The following MIPOL1 variants were observed in gnomAD, a reference collection of about 807,000 sequenced individuals.
MIPOL1 encodes the protein mirror-image polydactyly gene 1 protein.
In MIPOL1, 57 loss-of-function variants were observed where a neutral mutation model predicts 60.9. That is an observed-to-expected ratio of 0.94 (90% CI 0.76 to 1.17). The LOEUF is 1.17. Among genes scored for constraint, MIPOL1 ranks in the 50% most tolerant of loss-of-function variants. The probability of loss-of-function intolerance (pLI) is 0.00; values close to 1 mark genes in which losing one functional copy is unlikely to be tolerated. For missense variants in MIPOL1, 551 were observed against 511.6 expected, an observed-to-expected ratio of 1.08 and a Z score of -0.74; for synonymous variants, 179 against 168.8, an observed-to-expected ratio of 1.06 and a Z score of -0.47.
At chr14:37,507,685 A>G (rs2095291065) in intron 12 of MIPOL1, 1 of 152,196 alleles carries the variant, frequency 6.6e-6, no homozygotes, top group Non-Finnish European at 1.5e-5. Flanking sequence ...GCAAACCAAT[A>G]TGGCACATGT....
intron 11 of MIPOL1, among the ~76,000 whole-genome samples, chr14:37,446,831 A>T (rs930624075): frequency 6.6e-6 from 1 of 151,634 alleles, no homozygotes; most frequent in Non-Finnish European, 1.5e-5. Context: ...AGGACAAAAA[A>T]CCAAACACCG....
chr14:37,513,021 G>A lies in MIPOL1; in HGVS notation c.1262+12883G>A, dbSNP rs542678815. 1.3e-3 allele frequency among the ~76,000 whole-genome samples: 196 copies of A among 152,120 alleles called. 1 individual carries two copies. Among genetic ancestry groups the A allele is most frequent in the African/African-American group, 4.4e-3 (181 of 41,516 alleles). On this transcript the variant is annotated intron_variant, in intron 12 of 12. Coordinates refer to ENST00000684589, the MANE Select transcript of MIPOL1 (RefSeq NM_001388067.1). ...TGCCCTCCCTAATTAGCTTTGGAAG[G>A]CACCTTCTAAATCTAATTAGAGATA...
intron 12 of MIPOL1, among the ~76,000 whole-genome samples, chr14:37,508,161 G>A (rs2095296517): frequency 1.3e-5 from 2 of 152,228 alleles, no homozygotes; most frequent in Admixed American, 6.5e-5. Context: ...ATTATTATTA[G>A]CAAATGTTTT....
At chr14:37,523,779 A>G (rs565767795) in intron 12 of MIPOL1, among the ~76,000 whole-genome samples, 7 of 152,312 alleles carry the variant, frequency 4.6e-5, no homozygotes, top group African/African-American at 1.4e-4. Context: ...AAATATTCAT[A>G]CACAGAAGTG....
In MIPOL1 at chr14:37,266,986, G is replaced by C. The variant is rs1235353745; in HGVS notation, c.68G>C (p.Ser23Thr). 1.2e-6 allele frequency: 2 copies of C among 1,613,618 alleles called. No homozygotes were observed. The highest frequency in any genetic ancestry group is 3.3e-5 in the Admixed American group (2 of 60,000). Reference protein sequence around the residue: ...LEQETTGINKSTQPDEQLTMN... With the variant: ...LEQETTGINKTTQPDEQLTMN... ...CAAGAAACTACGGGGATAAATAAAA[G>C]TACGCAGCCAGATGAGCAACTGACT... Residue 23 changes from serine to threonine, a missense_variant, in exon 4 of 13, where the codon AGT becomes ACT. Transcript: ENST00000684589.
intron 1 of MIPOL1, among the ~76,000 whole-genome samples, chr14:37,213,670 A>G (rs1424016653): frequency 6.6e-6 from 1 of 152,186 alleles, no homozygotes; most frequent in African/African-American, 2.4e-5. Flanking sequence ...AGGGATAATA[A>G]TGGAGAAATT....
In MIPOL1 at chr14:37,227,349, T is replaced by C. The variant is rs1360444052; in HGVS notation, c.-198-19754T>C. 2.6e-5 allele frequency among the ~76,000 whole-genome samples: 4 copies of C among 152,298 alleles called. No homozygotes were observed. In the East Asian group the frequency reaches 7.7e-4, roughly 29 times the overall value. On this transcript the variant is annotated intron_variant, in intron 1 of 12. Transcript: ENST00000684589. The stretch of plus-strand genomic sequence containing the variant: ...CTATTCATGTATTCAATAATTTGAA[T>C]TTTTTTAAGTGTAGTTAATTATTTA...
At chr14:37,385,766 T>C (rs979493041) in intron 10 of MIPOL1, 2 of 152,046 alleles carry the variant, frequency 1.3e-5, no homozygotes, top group African/African-American at 2.4e-5. Context: ...CTAGAAAAAG[T>C]TGATGAAAAA....
At chr14:37,367,298 G>A (rs1220040493) in intron 9 of MIPOL1, among the ~76,000 whole-genome samples, 1 of 151,996 alleles carries the variant, frequency 6.6e-6, no homozygotes, top group Non-Finnish European at 1.5e-5. Flanking sequence ...CAAGGATAAT[G>A]TCAAATGAAG....
chr14:37,272,315 A>C (rs1193264102), intron 6 of MIPOL1, among the ~76,000 whole-genome samples: 1 of 151,712 alleles, frequency 6.6e-6, no homozygotes, highest in East Asian at 1.9e-4. Context: ...TTTCCTCTTT[A>C]ATATTTTACT....
At chr14:37,324,606 T>G (rs2088951601) in intron 9 of MIPOL1, among the ~76,000 whole-genome samples, 1 of 152,094 alleles carries the variant, frequency 6.6e-6, no homozygotes, top group South Asian at 2.1e-4. Flanking sequence ...TTAGTTGTCT[T>G]GTTTAAGGAA....
chr14:37,354,262 G>T (rs1304754591), intron 9 of MIPOL1, among the ~76,000 whole-genome samples: 1 of 150,488 alleles, frequency 6.6e-6, no homozygotes. Context: ...TTGCACTGTG[G>T]TCTGAGAGAT....
chr14:37,540,092 C>T (rs775510224), intron 12 of MIPOL1, among the ~76,000 whole-genome samples: 4 of 152,208 alleles, frequency 2.6e-5, no homozygotes, highest in Non-Finnish European at 5.9e-5. Context: ...CCAGGCTGAA[C>T]TGTGAATCAT....
intron 3 of MIPOL1, among the ~76,000 whole-genome samples, chr14:37,264,344 G>C (rs2082715766): frequency 6.6e-6 from 1 of 151,892 alleles, no homozygotes; most frequent in East Asian, 1.9e-4. Flanking sequence ...AAAATTGTAA[G>C]GTCAGGCATG....
intron 10 of MIPOL1, among the ~76,000 whole-genome samples, chr14:37,404,978 C>T (rs2093559978): frequency 1.3e-5 from 2 of 152,136 alleles, no homozygotes; most frequent in South Asian, 4.1e-4. Flanking sequence ...AAACCAGTTT[C>T]TCTTTTTTCT....
intron 11 of MIPOL1, among the ~76,000 whole-genome samples, chr14:37,498,069 A>G (rs796921670): frequency 6.6e-5 from 10 of 152,362 alleles, no homozygotes; most frequent in African/African-American, 2.4e-4. Flanking sequence ...AAAGCAATGA[A>G]TTATATGCAA....
intron 12 of MIPOL1, among the ~76,000 whole-genome samples, chr14:37,531,405 G>A (rs1436896514): frequency 6.6e-6 from 1 of 151,720 alleles, no homozygotes; most frequent in Non-Finnish European, 1.5e-5. Flanking sequence ...TACCTGCACT[G>A]AACAACTAAA....
intron 10 of MIPOL1, among the ~76,000 whole-genome samples, chr14:37,378,232 T>G (rs1426262810): frequency 6.6e-6 from 1 of 152,078 alleles, no homozygotes; most frequent in East Asian, 1.9e-4. Context: ...ACAAATCATG[T>G]ACATAAATGA....
In MIPOL1 at chr14:37,204,152, T is replaced by C. The variant is rs1278594915; in HGVS notation, c.-199+6048T>C. Among the ~76,000 whole-genome samples the C allele has an allele frequency of 4.6e-5, 7 of 151,944 alleles. No homozygotes were observed. In the East Asian group the frequency reaches 5.9e-4, roughly 13 times the overall value. On this transcript the variant is annotated intron_variant, in intron 1 of 12. Coordinates refer to ENST00000684589, the MANE Select transcript of MIPOL1 (RefSeq NM_001388067.1). ...AAGCAGATCCTCTCCCTGTTGAACA[T>C]TGAGATGACTGCACCCCTGGCTGAC... is the stretch of plus-strand genomic sequence containing the variant.
Sources: gnomAD v4.1 joint callset for allele counts (sites outside exome capture counted in the v4.1 genomes callset) on GRCh38, gnomAD v4.1.1 for gene constraint, MANE v1.5 for transcripts, NCBI Gene and HGNC (gene_info 2026-07-23, HGNC 2026-07-21) for gene names.